TENM2: variants seen among roughly 807,000 people sequenced by gnomAD.
TENM2 encodes the protein teneurin transmembrane protein 2.
In TENM2, 52 loss-of-function variants were observed where a neutral mutation model predicts 245.2. The ratio of observed to expected loss-of-function variants is 0.21; its 90% CI spans 0.17 to 0.27. The LOEUF (loss-of-function observed/expected upper bound fraction) is 0.27, where lower values mean the gene tolerates loss of function less well. TENM2 is among the 10% of genes least tolerant of loss of function. TENM2 has a pLI of 1.00. For synonymous variants in TENM2, 1,363 were observed against 1,438.9 expected, an observed-to-expected ratio of 0.95 and a Z score of 1.19; for missense variants, 3,046 against 3,666.8, an observed-to-expected ratio of 0.83 and a Z score of 4.37.
At chr5:168,173,513 C>T (rs1759044577) in intron 13 of TENM2, among the ~76,000 whole-genome samples, 1 of 152,134 alleles carries the variant, frequency 6.6e-6, no homozygotes. Context: ...GCCCCTCATT[C>T]ACCTCTTCCT....
chr5:167,741,444 A>C (rs543651252), intron 2 of TENM2, among the ~76,000 whole-genome samples: 64 of 152,308 alleles, frequency 4.2e-4, no homozygotes, highest in African/African-American at 1.4e-3. Flanking sequence ...TAGCACTTAA[A>C]GTGTGTTGTT....
intron 2 of TENM2, among the ~76,000 whole-genome samples, chr5:167,869,364 G>A (rs1772612145): frequency 1.3e-5 from 2 of 152,162 alleles, no homozygotes; most frequent in African/African-American, 4.8e-5. Flanking sequence ...TTGAGGAATA[G>A]CCCATTGAAG....
the TENM2 span, among the ~76,000 whole-genome samples, chr5:167,092,681 G>A: frequency 3.9e-5 from 6 of 152,156 alleles, no homozygotes; most frequent in African/African-American, 1.2e-4. Context: ...CCACAGATAA[G>A]TTATGGTGAA....
chr5:167,372,035 G>A (rs547811534), intron 1 of TENM2, among the ~76,000 whole-genome samples: 1 of 152,226 alleles, frequency 6.6e-6, no homozygotes, highest in South Asian at 2.1e-4. Flanking sequence ...TGGGGAAATG[G>A]TGGCATTGGC....
intron 2 of TENM2, among the ~76,000 whole-genome samples, chr5:167,485,967 CACACTTGTAACCACATGTTCGTATTAGA>C (rs1768039652): frequency 1.3e-5 from 2 of 152,074 alleles, no homozygotes; most frequent in Admixed American, 1.3e-4. Context: ...ATTATACATA[CACACTTGTAACCACATGTTCGTATTAGA>C]ACTTTTCCCA....
chr5:168,000,840 A>C (rs1784369492), intron 5 of TENM2, among the ~76,000 whole-genome samples: 1 of 152,192 alleles, frequency 6.6e-6, no homozygotes, highest in Admixed American at 6.5e-5. Context: ...AATATTTAAA[A>C]AATTCTGAAT....
At position 167,842,695 on chromosome 5, in the gene TENM2, C is replaced by T. The variant is rs186986614; in HGVS notation, c.503-33291C>T. On this transcript the variant is annotated intron_variant, in intron 2 of 28. Coordinates refer to ENST00000518659, the Ensembl canonical transcript of TENM2. ...CAGGTAGAGTTTGCACCCCATGTGA[C>T]TCCCCATTCAAGGTTGCCATTATAC... 6.0e-5 allele frequency among the ~76,000 whole-genome samples: 9 copies of T among 151,100 alleles called. No individual in the cohort carries two copies. The East Asian group carries it at 7.9e-4, about 13-fold the overall frequency.
At chr5:167,500,492 A>G (rs983662917) in intron 2 of TENM2, among the ~76,000 whole-genome samples, 1 of 152,170 alleles carries the variant, frequency 6.6e-6, no homozygotes, top group Non-Finnish European at 1.5e-5. Context: ...TTTTTAAAAA[A>G]ATAAAAAGAA....
chr5:167,072,383 G>C, the TENM2 span, among the ~76,000 whole-genome samples: 15 of 152,152 alleles, frequency 9.9e-5, no homozygotes, highest in African/African-American at 3.4e-4. Context: ...GTGTAGCTTA[G>C]TTTGATGTGT....
intron 2 of TENM2, among the ~76,000 whole-genome samples, chr5:167,822,525 T>C (rs1435967300): frequency 2.0e-5 from 3 of 152,210 alleles, no homozygotes; most frequent in African/African-American, 7.2e-5. Flanking sequence ...AAACATTTCA[T>C]GTTTAATTTA....
intron 4 of TENM2, among the ~76,000 whole-genome samples, chr5:167,955,661 G>T (rs557943607): frequency 2.6e-5 from 4 of 152,302 alleles, no homozygotes; most frequent in South Asian, 4.1e-4. Flanking sequence ...ATAAGGAAGT[G>T]TTCCAGTTTC....
the TENM2 span, among the ~76,000 whole-genome samples, chr5:167,066,801 A>C: frequency 6.6e-6 from 1 of 152,154 alleles, no homozygotes; most frequent in African/African-American, 2.4e-5. Flanking sequence ...CAAGGGATTC[A>C]CAGTTTCTGG....
At chr5:167,690,300 T>A (rs943495144) in intron 2 of TENM2, among the ~76,000 whole-genome samples, 4 of 152,160 alleles carry the variant, frequency 2.6e-5, no homozygotes, top group African/African-American at 9.6e-5. Context: ...TTTTTTTAAG[T>A]TTAACAGAAG....
chr5:168,076,861 C>T (rs1791520978), intron 7 of TENM2, among the ~76,000 whole-genome samples: 1 of 152,168 alleles, frequency 6.6e-6, no homozygotes, highest in Admixed American at 6.5e-5. Flanking sequence ...TGACTGTACC[C>T]TGTGGTCCTG....
chr5:167,993,699 G>C (rs181591930), intron 5 of TENM2, among the ~76,000 whole-genome samples: 9 of 152,208 alleles, frequency 5.9e-5, no homozygotes, highest in Admixed American at 5.9e-4. Context: ...CATCCATCCA[G>C]GTCTTTATAC....
intron 3 of TENM2, among the ~76,000 whole-genome samples, chr5:167,945,691 A>G (rs1779562830): frequency 1.3e-5 from 2 of 152,106 alleles, no homozygotes; most frequent in African/African-American, 4.8e-5. Flanking sequence ...TTGCGAATGC[A>G]TTCGGAATGT....
chr5:168,189,142 T>C (rs1408450223), intron 13 of TENM2, among the ~76,000 whole-genome samples: 1 of 152,194 alleles, frequency 6.6e-6, no homozygotes, highest in Non-Finnish European at 1.5e-5. Context: ...CATCCATTTA[T>C]AGGAGTTCCA....
At chr5:167,706,090 A>C (rs2546989) in intron 2 of TENM2, among the ~76,000 whole-genome samples, 1 of 145,862 alleles carries the variant, frequency 6.9e-6, no homozygotes, top group Non-Finnish European at 1.5e-5. Flanking sequence ...GTGTGTATAT[A>C]TATAATTATA....
chr5:167,378,134 G>C (rs1014783182), intron 2 of TENM2, among the ~76,000 whole-genome samples: 1 of 152,036 alleles, frequency 6.6e-6, no homozygotes, highest in African/African-American at 2.4e-5. Context: ...AAAAATTCCA[G>C]TTGTGATTTT....
Sources: allele counts gnomAD v4.1 joint callset (sites outside exome capture counted in the v4.1 genomes callset), GRCh38; gene constraint gnomAD v4.1.1; transcripts MANE v1.5; gene names NCBI Gene and HGNC (gene_info 2026-07-23, HGNC 2026-07-21).